KIRREL3: variants seen among roughly 807,000 people sequenced by gnomAD.
KIRREL3 encodes kirre like nephrin family adhesion molecule 3, also known as kin of IRRE-like protein 3.
KIRREL3 carries 36 observed loss-of-function variants against 89.7 expected under a neutral mutation model. The ratio of observed to expected loss-of-function variants is 0.40; its 90% CI spans 0.31 to 0.53. The LOEUF is 0.53. Among genes scored for constraint, KIRREL3 ranks in the 20% least tolerant of loss-of-function variants. The probability of loss-of-function intolerance (pLI) is 0.49; values close to 1 mark genes in which losing one functional copy is unlikely to be tolerated. For synonymous variants in KIRREL3, 445 were observed against 441.4 expected (o/e 1.01, Z -0.10); for missense variants, 864 against 1,056.6 (o/e 0.82, Z 2.53).
chr11:126,933,041 T>C (rs1303582788), intron 1 of KIRREL3, among the ~76,000 whole-genome samples: 1 of 152,194 alleles, frequency 6.6e-6, no homozygotes, highest in Non-Finnish European at 1.5e-5. Context: ...GCTGTTCAAC[T>C]GGCTACCTTG....
In KIRREL3 at chr11:126,645,673, T is replaced by C. The variant is rs1944638927; in HGVS notation, c.56-82761A>G. Among the ~76,000 whole-genome samples, 1 of 152,222 alleles carries C rather than the reference T, an allele frequency of 6.6e-6. No individual in the cohort carries two copies. Among genetic ancestry groups the C allele is most frequent in the South Asian group, 2.1e-4 (1 of 4,824 alleles). On this transcript the variant is annotated intron_variant, in intron 1 of 16. Coordinates refer to ENST00000525144, the MANE Select transcript of KIRREL3 (RefSeq NM_032531.4). This position sits in a 1 kb window ranked among gnomAD's most constrained non-coding sequence, Gnocchi z 4.9. ...GAAGGACTCTCAAAGCCTTTGTTAATTAAAAACACACACAGCTCTTCAGGG... is the reference window on the plus strand; with the variant it reads ...GAAGGACTCTCAAAGCCTTTGTTAACTAAAAACACACACAGCTCTTCAGGG...
At chr11:126,857,509 G>A (rs1437844507) in intron 1 of KIRREL3, among the ~76,000 whole-genome samples, 1 of 152,084 alleles carries the variant, frequency 6.6e-6, no homozygotes, top group East Asian at 1.9e-4. Context: ...CTTCTGTTTG[G>A]CATCATCCCT....
At chr11:126,760,921 T>G (rs1949648751) in intron 1 of KIRREL3, among the ~76,000 whole-genome samples, 1 of 152,216 alleles carries the variant, frequency 6.6e-6, no homozygotes, top group Non-Finnish European at 1.5e-5. Context: ...GAATTACCAT[T>G]AATGGAGGGT....
chr11:126,526,052 C>A lies in KIRREL3; in HGVS notation c.283+486G>T, dbSNP rs1958740630. Among the ~76,000 whole-genome samples, 1 of 152,184 alleles carries A rather than the reference C, an allele frequency of 6.6e-6. No individual in the cohort carries two copies. The highest frequency in any genetic ancestry group is 2.4e-5 in the African/African-American group (1 of 41,444). The stretch of plus-strand genomic sequence containing the variant: ...TTTAATACTTCCTGTCTTTTCTTCC[C>A]ATCTCATGATGGCTCCTAAGATCAA... On this transcript the variant is annotated intron_variant, in intron 3 of 16. Coordinates refer to ENST00000525144, the MANE Select transcript of KIRREL3 (RefSeq NM_032531.4). This position sits in a 1 kb window ranked among gnomAD's most constrained non-coding sequence, Gnocchi z 5.7.
Position 126,923,260 on chromosome 11 carries a change from TCTTCTTCTCCTTCTC to T in KIRREL3, c.55+77180_55+77194del, listed in dbSNP as rs1565424212. 5.5e-3 allele frequency among the ~76,000 whole-genome samples: 533 copies of T among 96,682 alleles called. 90 individuals carry two copies. The highest frequency in any genetic ancestry group is 8.4e-3 in the African/African-American group (182 of 21,606). 63.4% of individuals were successfully genotyped at this position (96,682 alleles called of 152,430 possible). On this transcript the variant is annotated intron_variant, in intron 1 of 16. Coordinates refer to ENST00000525144, the MANE Select transcript of KIRREL3 (RefSeq NM_032531.4). Reference sequence around the variant, plus strand: ...TTCTTCTTCTTCTTCTTCTTCTTCTTCTTCTTCTCCTTCTCCTTCTCCTTCTCCTTCTCCTTCTTC... The same window carrying T: ...TTCTTCTTCTTCTTCTTCTTCTTCTTCTTCTCCTTCTCCTTCTCCTTCTTC...
intron 1 of KIRREL3, chr11:126,936,804 T>C (rs904659745): frequency 2.6e-5 from 4 of 152,188 alleles, no homozygotes; most frequent in African/African-American, 7.2e-5. Flanking sequence ...TTGGGAGAGA[T>C]GGAATTGTTC....
intron 1 of KIRREL3, chr11:126,937,077 T>C (rs1948220732): frequency 6.6e-6 from 1 of 152,168 alleles, no homozygotes; most frequent in South Asian, 2.1e-4. Flanking sequence ...TTGTTGTATT[T>C]ATCTAGGACA....
In KIRREL3 at chr11:126,555,442, A is replaced by T. The variant is rs1286973235; in HGVS notation, c.133+7393T>A. On this transcript the variant is annotated intron_variant, in intron 2 of 16. Coordinates refer to ENST00000525144, the MANE Select transcript of KIRREL3 (RefSeq NM_032531.4). The surrounding 1 kb of genome is among the most constrained non-coding windows in gnomAD (Gnocchi z 4.2). ...TTCTACGGGAGCATGTGACACAGGA[A>T]CTGGATCTTGACTGAGGAGGGATGG... is the stretch of plus-strand genomic sequence containing the variant. Among the ~76,000 whole-genome samples, 2 of 152,198 alleles carry T rather than the reference A, an allele frequency of 1.3e-5. No homozygotes were observed. The highest frequency in any genetic ancestry group is 2.4e-5 in the African/African-American group (1 of 41,460).
chr11:126,630,668 CTGAT>C (rs1423931617), intron 1 of KIRREL3, among the ~76,000 whole-genome samples: 4 of 152,170 alleles, frequency 2.6e-5, no homozygotes, highest in Non-Finnish European at 5.9e-5. Context: ...GCTTAGCAGA[CTGAT>C]TGCCTCCTGC....
At position 126,976,995 on chromosome 11, in the gene KIRREL3, G is replaced by A. The variant is rs570657649; in HGVS notation, c.55+23460C>T. Among the ~76,000 whole-genome samples, 4 of 152,282 alleles carry A rather than the reference G, an allele frequency of 2.6e-5. No homozygotes were observed. Among genetic ancestry groups the A allele is most frequent in the African/African-American group, 9.6e-5 (4 of 41,568 alleles). On this transcript the variant is annotated intron_variant, in intron 1 of 16. Transcript: ENST00000525144. This position sits in a 1 kb window ranked among gnomAD's most constrained non-coding sequence, Gnocchi z 4.2. Reference sequence around the variant, plus strand: ...CACGATAGGAAAGAGAGTACCAAGAGAGTTAAGAAGAAGTTCTCTGTAACT... The same window carrying A: ...CACGATAGGAAAGAGAGTACCAAGAAAGTTAAGAAGAAGTTCTCTGTAACT...
At chr11:126,786,321 T>C (rs191778780) in intron 1 of KIRREL3, among the ~76,000 whole-genome samples, 241 of 152,374 alleles carry the variant, frequency 1.6e-3, no homozygotes, top group African/African-American at 5.5e-3. Flanking sequence ...ATAGTGTTTG[T>C]ATTAGACAGG....
In KIRREL3 at chr11:126,686,974, A is replaced by G. The variant is rs147641275; in HGVS notation, c.56-124062T>C. On this transcript the variant is annotated intron_variant, in intron 1 of 16. Transcript: ENST00000525144. The surrounding 1 kb of genome is among the most constrained non-coding windows in gnomAD (Gnocchi z 4.7). Reference sequence around the variant, plus strand: ...AAGAGTCAAATTCAGAAGGCCTGACAGAGATGACATCCCTGGAACTGCAGT... The same window carrying G: ...AAGAGTCAAATTCAGAAGGCCTGACGGAGATGACATCCCTGGAACTGCAGT... 5.6e-4 allele frequency among the ~76,000 whole-genome samples: 85 copies of G among 152,348 alleles called. No individual in the cohort carries two copies. The highest frequency in any genetic ancestry group is 2.0e-3 in the African/African-American group (84 of 41,580).
At chr11:126,848,710 TA>T (rs2134553312) in intron 1 of KIRREL3, among the ~76,000 whole-genome samples, 1 of 152,360 alleles carries the variant, frequency 6.6e-6, no homozygotes, top group South Asian at 2.1e-4. Flanking sequence ...GAATGCAGAA[TA>T]AGCTTACTCA....
chr11:126,435,358 G>C, intron 12 of KIRREL3, 55 bp from the exon 13 acceptor site: 6 of 1,589,616 alleles, frequency 3.8e-6, no homozygotes, highest in Non-Finnish European at 4.3e-6. Context: ...CCAGGGTGGG[G>C]TGGGACTGGG....
At chr11:126,625,161 T>G (rs532658695) in intron 1 of KIRREL3, among the ~76,000 whole-genome samples, 17 of 152,330 alleles carry the variant, frequency 1.1e-4, no homozygotes, top group African/African-American at 4.1e-4. Context: ...GATCTGAGCA[T>G]GTGACCACTT....
intron 1 of KIRREL3, among the ~76,000 whole-genome samples, chr11:126,848,093 A>T (rs1331580172): frequency 6.6e-6 from 1 of 152,182 alleles, no homozygotes; most frequent in Admixed American, 6.5e-5. Context: ...ACTTTCTGAC[A>T]TGTCTAGGAG....
intron 6 of KIRREL3, among the ~76,000 whole-genome samples, chr11:126,461,884 A>G (rs1037187212): frequency 2.6e-5 from 4 of 152,214 alleles, no homozygotes; most frequent in Non-Finnish European, 4.4e-5. Flanking sequence ...GAGGACACGA[A>G]TGCCAGCCTG....
rs984591680 is a variant in KIRREL3 at position 126,996,141 on chromosome 11, G to T, written c.55+4314C>A. Among the ~76,000 whole-genome samples, 2 of 152,070 alleles carry T rather than the reference G, an allele frequency of 1.3e-5. No individual in the cohort carries two copies. Among genetic ancestry groups the T allele is most frequent in the Non-Finnish European group, 2.9e-5 (2 of 68,018 alleles). On this transcript the variant is annotated intron_variant, in intron 1 of 16. Coordinates refer to ENST00000525144, the MANE Select transcript of KIRREL3 (RefSeq NM_032531.4). The surrounding 1 kb of genome is among the most constrained non-coding windows in gnomAD (Gnocchi z 4.7). ...AACCACCCCCATTTCCAACAGACAT[G>T]CCCCAGTTTCCCCACCCGAAGATTT...
chr11:126,640,125 A>G lies in KIRREL3; in HGVS notation c.56-77213T>C, dbSNP rs1251131588. Reference sequence around the variant, plus strand: ...CCAGTACTGTTTTATTTTACCCTGCATTGTACTAAAAAAATAAGGCATAGA... The same window carrying G: ...CCAGTACTGTTTTATTTTACCCTGCGTTGTACTAAAAAAATAAGGCATAGA... On this transcript the variant is annotated intron_variant, in intron 1 of 16. Coordinates refer to ENST00000525144, the MANE Select transcript of KIRREL3 (RefSeq NM_032531.4). This position sits in a 1 kb window ranked among gnomAD's most constrained non-coding sequence, Gnocchi z 4.9. Among the ~76,000 whole-genome samples, 1 of 152,112 alleles carries G rather than the reference A, an allele frequency of 6.6e-6. No individual in the cohort carries two copies. Among genetic ancestry groups the G allele is most frequent in the Non-Finnish European group, 1.5e-5 (1 of 68,016 alleles).
Sources: gnomAD v4.1 joint callset for allele counts (sites outside exome capture counted in the v4.1 genomes callset) on GRCh38, gnomAD v4.1.1 for gene constraint, Gnocchi (gnomAD v3.1) non-coding constraint, MANE v1.5 for transcripts, NCBI Gene and HGNC (gene_info 2026-07-23, HGNC 2026-07-21) for gene names.